Variants in GPR176 observed in about 807,000 individuals in gnomAD.
GPR176 encodes the protein G protein-coupled receptor 176, also known as G-protein coupled receptor 176.
Under a neutral mutation model 35.4 loss-of-function variants are expected in GPR176, and 26 were observed. That is an observed-to-expected ratio of 0.74 (90% CI 0.54 to 1.02). The LOEUF (loss-of-function observed/expected upper bound fraction) is 1.02. Ranked by LOEUF, GPR176 falls within the 50% of genes least tolerant of loss-of-function variation. The pLI is 0.00. For missense variants in GPR176, 597 were observed against 665.3 expected (o/e 0.90, Z 1.13); for synonymous variants, 278 against 271.3 (o/e 1.02, Z -0.24).
At chr15:39,857,739 C>T (rs1369482705) in intron 1 of GPR176, among the ~76,000 whole-genome samples, 1 of 151,810 alleles carries the variant, frequency 6.6e-6, no homozygotes, top group Admixed American at 6.6e-5. Flanking sequence ...AAGGCCAAGG[C>T]GGGCGGATCA....
chr15:39,858,829 C>A (rs1324857028), intron 1 of GPR176, among the ~76,000 whole-genome samples: 1 of 152,136 alleles, frequency 6.6e-6, no homozygotes, highest in Non-Finnish European at 1.5e-5. Flanking sequence ...TCACTGCAGC[C>A]TCCACCTCTC....
At chr15:39,819,503 A>T (rs1900129223) in intron 1 of GPR176, among the ~76,000 whole-genome samples, 1 of 152,230 alleles carries the variant, frequency 6.6e-6, no homozygotes, top group South Asian at 2.1e-4. Flanking sequence ...ACTTAACAGC[A>T]TCATCATTTT....
intron 1 of GPR176, among the ~76,000 whole-genome samples, chr15:39,815,102 T>TGAA (rs3837699): frequency 0.078 from 11,915 of 152,230 alleles, 681 homozygotes; most frequent in East Asian, 0.15. Context: ...ATTATTTACA[T>TGAA]GGTTTCAGAG....
chr15:39,807,349 C>T, intron 1 of GPR176, 91 bp from the exon 2 acceptor site: 1 of 883,966 alleles, frequency 1.1e-6, no homozygotes, highest in Non-Finnish European at 1.6e-6. Flanking sequence ...ATGTAAAAAA[C>T]ACATTTGAGA....
At position 39,799,404 on chromosome 15, in the gene GPR176, C is replaced by G. The variant is rs1898722500; in HGVS notation, c.*1728G>C. ...CAGAGCCGCAGGAGGCTGTGGCAGC[C>G]CCGTTTCTGCTGTGAGCAAACAGTG... is the stretch of plus-strand genomic sequence containing the variant. On this transcript the variant is annotated 3_prime_UTR_variant, in exon 3 of 3. Coordinates refer to ENST00000561100, the MANE Select transcript of GPR176 (RefSeq NM_007223.3). 1 of 152,340 alleles carries G rather than the reference C, an allele frequency of 6.6e-6. No individual in the cohort carries two copies. The highest frequency in any genetic ancestry group is 1.5e-5 in the Non-Finnish European group (1 of 68,156). 9.4% of individuals were successfully genotyped at this position (152,340 alleles called of 1,614,324 possible).
chr15:39,894,847 G>T (rs1166584058), intron 1 of GPR176, among the ~76,000 whole-genome samples: 2 of 152,256 alleles, frequency 1.3e-5, no homozygotes, highest in African/African-American at 4.8e-5. Flanking sequence ...CAATCTTTCT[G>T]CAATCTCGGC....
chr15:39,905,062 G>C (rs748497289), intron 1 of GPR176, among the ~76,000 whole-genome samples: 7 of 152,156 alleles, frequency 4.6e-5, no homozygotes, highest in Non-Finnish European at 8.8e-5. Context: ...TGCAATCTTG[G>C]AGAGCCAAGC....
At chr15:39,836,194 C>T (rs957694627) in intron 1 of GPR176, among the ~76,000 whole-genome samples, 1 of 152,060 alleles carries the variant, frequency 6.6e-6, no homozygotes, top group African/African-American at 2.4e-5. Context: ...GTCTTGGCCA[C>T]TGTCATCAAC....
At chr15:39,829,888 A>C (rs1221930932) in intron 1 of GPR176, among the ~76,000 whole-genome samples, 3 of 152,168 alleles carry the variant, frequency 2.0e-5, no homozygotes, top group African/African-American at 7.2e-5. Flanking sequence ...ATATGTGTTA[A>C]TTGGAAAGTA....
Position 39,801,375 on chromosome 15 carries a change from T to A in GPR176, c.1305A>T (p.Ala435=). 1 of 1,614,174 alleles carries A rather than the reference T, an allele frequency of 6.2e-7. No individual in the cohort carries two copies. Among genetic ancestry groups the A allele is most frequent in the Non-Finnish European group, 8.5e-7 (1 of 1,180,014 alleles). The part of the protein sequence containing the change: ...LSTVDSVSQV[A]PAAPVEPETF... ...TTTCAGGTTCCACAGGGGCTGCCGG[T>A]GCCACCTGGGATACAGAGTCCACTG... is the stretch of plus-strand genomic sequence containing the variant. Residue 435 remains alanine (A), a synonymous_variant, in exon 3 of 3, where the codon GCA becomes GCT. Coordinates refer to ENST00000561100, the MANE Select transcript of GPR176 (RefSeq NM_007223.3).
At chr15:39,850,687 T>C (rs1476599780) in intron 1 of GPR176, among the ~76,000 whole-genome samples, 1 of 152,090 alleles carries the variant, frequency 6.6e-6, no homozygotes, top group Admixed American at 6.6e-5. Flanking sequence ...TGTGATATTG[T>C]ACTACAATAA....
chr15:39,898,109 CTTTAT>C (rs2033173214), intron 1 of GPR176, among the ~76,000 whole-genome samples: 1 of 152,164 alleles, frequency 6.6e-6, no homozygotes, highest in East Asian at 1.9e-4. Flanking sequence ...AACTTATTAT[CTTTAT>C]TTTATTGCTT....
At chr15:39,850,480 T>C (rs2030781550) in intron 1 of GPR176, among the ~76,000 whole-genome samples, 1 of 152,214 alleles carries the variant, frequency 6.6e-6, no homozygotes, top group Admixed American at 6.5e-5. Flanking sequence ...TATGGTATGA[T>C]TCTAACCATA....
intron 1 of GPR176, among the ~76,000 whole-genome samples, chr15:39,904,485 A>G (rs2033367170): frequency 6.6e-6 from 1 of 152,178 alleles, no homozygotes; most frequent in Admixed American, 6.5e-5. Flanking sequence ...AATGGAATAG[A>G]TAGAGAACTG....
chr15:39,801,314 C>G lies in GPR176; in HGVS notation c.1366G>C (p.Gly456Arg), dbSNP rs779308802. ...PDKYSLQFGF[G>R]PFELPPQWLS... ...CACTGAGGAGGCAACTCAAAAGGCC[C>G]AAAGCCAAACTGCAGGGAATACTTA... Residue 456 changes from glycine (G) to arginine (R), a missense_variant, in exon 3 of 3, where the codon GGG becomes CGG. Physicochemically the swap from Gly to Arg is moderately radical, Grantham distance 125. This residue lies in a region of GPR176 where 251 missense variants were observed against 255.4 expected (regional missense o/e 0.98). Coordinates refer to ENST00000561100, the MANE Select transcript of GPR176 (RefSeq NM_007223.3). The G allele has an allele frequency of 3.1e-6, 5 of 1,614,032 alleles. No homozygotes were observed. The highest frequency in any genetic ancestry group is 4.2e-6 in the Non-Finnish European group (5 of 1,180,006).
At chr15:39,879,291 G>T (rs1261304224) in intron 1 of GPR176, among the ~76,000 whole-genome samples, 1 of 152,132 alleles carries the variant, frequency 6.6e-6, no homozygotes, top group East Asian at 1.9e-4. Context: ...ACCAATGAGG[G>T]TGTTGCTGCT....
At chr15:39,888,627 A>C (rs905174177) in intron 1 of GPR176, among the ~76,000 whole-genome samples, 2 of 152,158 alleles carry the variant, frequency 1.3e-5, no homozygotes, top group African/African-American at 4.8e-5. Flanking sequence ...TTTTGTTACA[A>C]GGGTCCCAGC....
intron 1 of GPR176, among the ~76,000 whole-genome samples, chr15:39,845,074 G>A (rs1173220815): frequency 1.3e-5 from 2 of 152,136 alleles, no homozygotes; most frequent in African/African-American, 4.8e-5. Context: ...GGCTTGGCCA[G>A]GCAAAAGGCT....
intron 1 of GPR176, chr15:39,829,393 ATCTAGGAAAGC>A (rs1288594460): frequency 3.3e-6 from 4 of 1,200,422 alleles, no homozygotes; most frequent in Non-Finnish European, 4.2e-6. Flanking sequence ...CTGAGGTCAA[ATCTAGGAAAGC>A]CCTGTAGAGT....
Sources: allele counts gnomAD v4.1 joint callset (sites outside exome capture counted in the v4.1 genomes callset), GRCh38; gene constraint gnomAD v4.1.1; regional missense constraint gnomAD v4.1.1; transcripts MANE v1.5; gene names NCBI Gene and HGNC (gene_info 2026-07-23, HGNC 2026-07-21).